TNIP3: variants seen among roughly 807,000 people sequenced by gnomAD.
TNIP3 encodes TNFAIP3 interacting protein 3, also known as TNFAIP3-interacting protein 3.
A neutral mutation model predicts 54.1 loss-of-function variants in TNIP3; 34 were observed. The observed-to-expected ratio is 0.63, with a 90% CI of 0.48 to 0.84. TNIP3 has a LOEUF of 0.84. Ranked by LOEUF, TNIP3 falls within the 40% of genes least tolerant of loss-of-function variation. TNIP3 has a pLI of 0.00. For missense variants in TNIP3, 366 were observed against 387.6 expected, an observed-to-expected ratio of 0.94 and a Z score of 0.47; for synonymous variants, 134 against 136.8, an observed-to-expected ratio of 0.98 and a Z score of 0.14.
intron 9 of TNIP3, among the ~76,000 whole-genome samples, chr4:121,138,993 T>TA (rs1560635084): frequency 6.6e-6 from 1 of 152,206 alleles, no homozygotes; most frequent in Non-Finnish European, 1.5e-5. Flanking sequence ...TTGTAAAACT[T>TA]ACTACAGCCC....
chr4:121,190,810 A>T (rs954368071), intron 2 of TNIP3, among the ~76,000 whole-genome samples: 5 of 152,208 alleles, frequency 3.3e-5, no homozygotes, highest in African/African-American at 1.2e-4. Flanking sequence ...TCTTCATAAA[A>T]GCTCAAAGAA....
At chr4:121,172,560 T>C (rs1724031317) in intron 3 of TNIP3, among the ~76,000 whole-genome samples, 1 of 152,248 alleles carries the variant, frequency 6.6e-6, no homozygotes, top group African/African-American at 2.4e-5. Context: ...TCCAGTCAAA[T>C]TTGAATTTCA....
intron 1 of TNIP3, among the ~76,000 whole-genome samples, chr4:121,162,473 C>T (rs1730511116): frequency 6.6e-6 from 1 of 152,116 alleles, no homozygotes; most frequent in Non-Finnish European, 1.5e-5. Flanking sequence ...CACTGAAACC[C>T]AAGTGTCAAG....
At chr4:121,226,654 C>T (rs535359274) in intron 1 of TNIP3, among the ~76,000 whole-genome samples, 10 of 152,204 alleles carry the variant, frequency 6.6e-5, no homozygotes, top group Non-Finnish European at 7.3e-5. Context: ...ATCAGCACTG[C>T]GCCTGTAAGC....
At chr4:121,204,550 G>A (rs1347524693) in intron 2 of TNIP3, among the ~76,000 whole-genome samples, 1 of 152,112 alleles carries the variant, frequency 6.6e-6, no homozygotes, top group Non-Finnish European at 1.5e-5. Flanking sequence ...AATTAACTGA[G>A]ACTTGTCTCA....
At chr4:121,156,618 G>A (rs948826154) in intron 4 of TNIP3, among the ~76,000 whole-genome samples, 5 of 152,306 alleles carry the variant, frequency 3.3e-5, no homozygotes, top group Middle Eastern at 6.8e-3. Context: ...TTTAAAAAAT[G>A]TCATAAATTT....
intron 6 of TNIP3, among the ~76,000 whole-genome samples, chr4:121,147,981 T>C (rs764519008): frequency 6.6e-6 from 1 of 152,254 alleles, no homozygotes; most frequent in Non-Finnish European, 1.5e-5. Context: ...ATTACATTTT[T>C]AAGGCTTTAT....
At chr4:121,148,160 G>A (rs1346929760) in intron 6 of TNIP3, among the ~76,000 whole-genome samples, 1 of 152,112 alleles carries the variant, frequency 6.6e-6, no homozygotes, top group East Asian at 1.9e-4. Flanking sequence ...TTAAACACTG[G>A]CAACATCATC....
At chr4:121,199,708 A>C (rs949696481) in intron 2 of TNIP3, among the ~76,000 whole-genome samples, 6 of 152,208 alleles carry the variant, frequency 3.9e-5, no homozygotes, top group African/African-American at 1.2e-4. Context: ...TGATCATGTA[A>C]ACACAAATTC....
At chr4:121,140,405 T>C (rs1460979286) in intron 9 of TNIP3, among the ~76,000 whole-genome samples, 1 of 152,166 alleles carries the variant, frequency 6.6e-6, no homozygotes, top group Non-Finnish European at 1.5e-5. Context: ...CTTTTTCAAA[T>C]ATAGGCCTTT....
chr4:121,213,235 G>A (rs182771017), intron 2 of TNIP3, among the ~76,000 whole-genome samples: 3 of 152,078 alleles, frequency 2.0e-5, no homozygotes, highest in Admixed American at 6.6e-5. Flanking sequence ...GATGGCATTC[G>A]ATCCTGTTTA....
intron 2 of TNIP3, among the ~76,000 whole-genome samples, chr4:121,189,945 G>A (rs1418439775): frequency 1.3e-5 from 2 of 152,126 alleles, no homozygotes; most frequent in Non-Finnish European, 1.5e-5. Context: ...TTGTGGCTGT[G>A]CCCAGGAGGA....
chr4:121,227,271 T>TA, intron 1 of TNIP3: 1 of 880,690 alleles, frequency 1.1e-6, no homozygotes, highest in Admixed American at 2.2e-5. Context: ...TGATCAGTTA[T>TA]ATATGTCTTT....
intron 3 of TNIP3, among the ~76,000 whole-genome samples, chr4:121,172,015 G>T (rs1723989158): frequency 6.6e-6 from 1 of 152,282 alleles, no homozygotes; most frequent in East Asian, 1.9e-4. Flanking sequence ...TTACAGGCAT[G>T]AGCCACCACA....
intron 2 of TNIP3, among the ~76,000 whole-genome samples, chr4:121,202,288 A>G (rs1439331727): frequency 1.3e-5 from 2 of 152,218 alleles, no homozygotes; most frequent in Non-Finnish European, 2.9e-5. Context: ...ATCTTTGACA[A>G]TGCAAACAAA....
chr4:121,171,069 G>T (rs963757510), intron 3 of TNIP3, among the ~76,000 whole-genome samples: 1 of 152,096 alleles, frequency 6.6e-6, no homozygotes, highest in African/African-American at 2.4e-5. Context: ...GCCCATCTCG[G>T]TCTCCCAAAG....
chr4:121,176,119 G>C (rs980337027), intron 3 of TNIP3, among the ~76,000 whole-genome samples: 2 of 152,224 alleles, frequency 1.3e-5, no homozygotes, highest in Non-Finnish European at 2.9e-5. Flanking sequence ...CCACTAATCT[G>C]TTTAATTTAG....
chr4:121,142,058 A>G (rs1729152792), intron 8 of TNIP3, 144 bp from the exon 9 acceptor site: 1 of 496,654 alleles, frequency 2.0e-6, no homozygotes, highest in African/African-American at 2.0e-5. Flanking sequence ...TAAACATGTC[A>G]ATAGACTCAG....
chr4:121,164,438 A>G, upstream of TNIP3: 1 of 783,420 alleles, frequency 1.3e-6, no homozygotes, highest in Non-Finnish European at 1.6e-6. Context: ...TAGCCTTGCT[A>G]TAGTATGTAA....
Sources: gnomAD v4.1 joint callset for allele counts (sites outside exome capture counted in the v4.1 genomes callset) on GRCh38, gnomAD v4.1.1 for gene constraint, MANE v1.5 for transcripts, NCBI Gene and HGNC (gene_info 2026-07-23, HGNC 2026-07-21) for gene names.